CNBP: variants seen among roughly 807,000 people sequenced by gnomAD.
CNBP encodes cellular nucleic acid-binding protein.
CNBP carries 6 observed loss-of-function variants against 21.2 expected under a neutral mutation model. The ratio of observed to expected loss-of-function variants is 0.28; its 90% CI spans 0.16 to 0.56. The LOEUF is 0.56. CNBP is among the 20% of genes least tolerant of loss of function. The probability of loss-of-function intolerance (pLI) is 0.93; values close to 1 mark genes in which losing one functional copy is unlikely to be tolerated. For missense variants in CNBP, 112 were observed against 233.1 expected (o/e 0.48, Z 3.38); for synonymous variants, 61 against 74.9 (o/e 0.81, Z 0.96).
intron 1 of CNBP, among the ~76,000 whole-genome samples, chr3:129,180,720 C>A (rs1938231225): frequency 6.6e-6 from 1 of 151,538 alleles, no homozygotes; most frequent in African/African-American, 2.4e-5. Context: ...TTCTGGCTCT[C>A]TACTTACTGT....
Position 129,169,548 on chromosome 3 carries a change from G to A in CNBP, c.*905C>T. ...GCACTATATACATTAATGAAAATTTGAAACAAACAAAAAGAACTTTAGTCA... is the reference window on the plus strand; with the variant it reads ...GCACTATATACATTAATGAAAATTTAAAACAAACAAAAAGAACTTTAGTCA... On this transcript the variant is annotated 3_prime_UTR_variant, in exon 5 of 5. Transcript: ENST00000422453. 1 of 205,064 alleles carries A rather than the reference G, an allele frequency of 4.9e-6. No individual in the cohort carries two copies. Among genetic ancestry groups the A allele is most frequent in the Non-Finnish European group, 1.0e-5 (1 of 99,992 alleles). The allele number at this position is 205,064 out of a possible 1,614,324, so 12.7% of individuals were successfully genotyped here.
intron 1 of CNBP, among the ~76,000 whole-genome samples, chr3:129,181,444 G>A (rs1403390844): frequency 2.0e-5 from 3 of 150,696 alleles, no homozygotes; most frequent in Admixed American, 6.6e-5. Context: ...ACAAGGTCAG[G>A]AGTTCGAGAC....
chr3:129,181,916 A>T (rs756393990), intron 1 of CNBP, among the ~76,000 whole-genome samples: 1 of 152,206 alleles, frequency 6.6e-6, no homozygotes, highest in Non-Finnish European at 1.5e-5. Flanking sequence ...ACTCTTGTAG[A>T]CAAGAATCAG....
intron 1 of CNBP, among the ~76,000 whole-genome samples, chr3:129,178,807 A>AT (rs1450303566): frequency 6.6e-6 from 1 of 151,166 alleles, no homozygotes; most frequent in African/African-American, 2.4e-5. Flanking sequence ...CAGTGGCACG[A>AT]TCTCGGCTCA....
chr3:129,179,642 G>A (rs1318651992), intron 1 of CNBP, among the ~76,000 whole-genome samples: 1 of 152,142 alleles, frequency 6.6e-6, no homozygotes, highest in African/African-American at 2.4e-5. Context: ...AGGCTGAGGA[G>A]GGAAGATCAC....
At chr3:129,171,814 C>A (rs1937574313) in intron 1 of CNBP, 43 bp from the exon 2 acceptor site, 4 of 1,562,826 alleles carry the variant, frequency 2.6e-6, no homozygotes, top group Non-Finnish European at 3.5e-6. Flanking sequence ...ACTGAAAGTT[C>A]TTTTAACTTT....
At chr3:129,173,585 A>T (rs534747477) in intron 1 of CNBP, among the ~76,000 whole-genome samples, 74 of 152,362 alleles carry the variant, frequency 4.9e-4, no homozygotes, top group Non-Finnish European at 9.0e-4. Flanking sequence ...ATTTTAAAAT[A>T]AAAATAAAAC....
At chr3:129,179,736 G>C (rs1318821159) in intron 1 of CNBP, among the ~76,000 whole-genome samples, 2 of 152,108 alleles carry the variant, frequency 1.3e-5, no homozygotes, top group Non-Finnish European at 1.5e-5. Context: ...GGTGCATGAG[G>C]CAAGAGAATC....
chr3:129,172,323 T>A (rs1230179205), intron 1 of CNBP, among the ~76,000 whole-genome samples: 1 of 151,968 alleles, frequency 6.6e-6, no homozygotes, highest in Non-Finnish European at 1.5e-5. Flanking sequence ...GGCTCATGCC[T>A]GTAATCCTAG....
chr3:129,179,105 C>CTT (rs1938114905), intron 1 of CNBP, among the ~76,000 whole-genome samples: 1 of 151,774 alleles, frequency 6.6e-6, no homozygotes, highest in African/African-American at 2.4e-5. Context: ...TGGAGAAATC[C>CTT]CGTCTCTACT....
intron 1 of CNBP, among the ~76,000 whole-genome samples, chr3:129,182,889 C>CA (rs1938405185): frequency 6.6e-6 from 1 of 152,132 alleles, no homozygotes; most frequent in African/African-American, 2.4e-5. Context: ...CCAAGTCTTC[C>CA]AGCAGTCTCG....
chr3:129,182,883 G>C (rs917101938), intron 1 of CNBP, among the ~76,000 whole-genome samples: 5 of 152,114 alleles, frequency 3.3e-5, no homozygotes. Context: ...AAGCTCCCAA[G>C]TCTTCCAGCA....
chr3:129,170,317 T>C lies in CNBP; in HGVS notation c.*136A>G. The C allele has an allele frequency of 1.4e-6, 1 of 735,192 alleles. No homozygotes were observed. The highest frequency in any genetic ancestry group is 2.4e-5 in the Admixed American group (1 of 41,248). 45.5% of individuals were successfully genotyped at this position (735,192 alleles called of 1,614,324 possible). A position where few individuals can be genotyped will look rare whatever the true frequency, so the allele number is the denominator to read the frequency against. ...GAAAGTCGGTTTTTTTCCACCCCTT[T>C]CCTCCTTTTACACGGCAAGTAAAGC... On this transcript the variant is annotated 3_prime_UTR_variant, in exon 5 of 5. Coordinates refer to ENST00000422453, the MANE Select transcript of CNBP (RefSeq NM_003418.5).
chr3:129,183,238 G>A (rs1938437324), intron 1 of CNBP, among the ~76,000 whole-genome samples: 1 of 152,162 alleles, frequency 6.6e-6, no homozygotes, highest in African/African-American at 2.4e-5. Flanking sequence ...GTGAGCCACC[G>A]CGCCCGGCCT....
intron 1 of CNBP, among the ~76,000 whole-genome samples, chr3:129,173,769 A>G (rs1161964790): frequency 6.6e-6 from 1 of 152,186 alleles, no homozygotes; most frequent in Non-Finnish European, 1.5e-5. Flanking sequence ...AATGGCACAC[A>G]AAGTCGTATT....
intron 1 of CNBP, among the ~76,000 whole-genome samples, chr3:129,183,176 C>A (rs1938433187): frequency 6.6e-6 from 1 of 152,160 alleles, no homozygotes; most frequent in African/African-American, 2.4e-5. Flanking sequence ...TCTCGAACTC[C>A]TGACCTCGTG....
At chr3:129,174,424 G>T (rs1576916215) in intron 1 of CNBP, among the ~76,000 whole-genome samples, 1 of 145,844 alleles carries the variant, frequency 6.9e-6, no homozygotes, top group Non-Finnish European at 1.5e-5. Flanking sequence ...CCAGCACTTT[G>T]GGAGGCCGAC....
At chr3:129,178,785 C>G (rs1320978567) in intron 1 of CNBP, among the ~76,000 whole-genome samples, 4 of 151,902 alleles carry the variant, frequency 2.6e-5, no homozygotes, top group Non-Finnish European at 4.4e-5. Context: ...TTGCTTCGCC[C>G]AGGCTGGAGT....
At chr3:129,176,980 C>T (rs1047589918) in intron 1 of CNBP, among the ~76,000 whole-genome samples, 4 of 152,134 alleles carry the variant, frequency 2.6e-5, no homozygotes, top group African/African-American at 4.8e-5. Flanking sequence ...ACAATCCCCA[C>T]GTGTGGCTGA....
Sources: allele counts gnomAD v4.1 joint callset (sites outside exome capture counted in the v4.1 genomes callset), GRCh38; gene constraint gnomAD v4.1.1; transcripts MANE v1.5; gene names NCBI Gene and HGNC (gene_info 2026-07-23, HGNC 2026-07-21).